The following FRA10AC1 variants were observed in gnomAD, a reference collection of about 807,000 sequenced individuals.
The protein encoded by FRA10AC1 is FRA10A associated CGG repeat 1, also known as protein FRA10AC1.
In FRA10AC1, 43 loss-of-function variants were observed where a neutral mutation model predicts 56.5. The observed-to-expected ratio is 0.76, with a 90% CI of 0.60 to 0.98. The LOEUF is 0.98. Among genes scored for constraint, FRA10AC1 ranks in the 50% least tolerant of loss-of-function variants. FRA10AC1 has a pLI of 0.00. For missense variants in FRA10AC1, 346 were observed against 351.8 expected, an observed-to-expected ratio of 0.98 and a Z score of 0.13; for synonymous variants, 112 against 110.5, an observed-to-expected ratio of 1.01 and a Z score of -0.09.
intron 9 of FRA10AC1, 28 bp from the exon 10 acceptor site, chr10:93,684,126 C>A: frequency 6.4e-7 from 1 of 1,568,246 alleles, no homozygotes; most frequent in Non-Finnish European, 8.8e-7. Context: ...CACTGAATGG[C>A]TGATTTTGAA....
At chr10:93,697,151 A>C (rs1350775637) in intron 4 of FRA10AC1, among the ~76,000 whole-genome samples, 1 of 152,078 alleles carries the variant, frequency 6.6e-6, no homozygotes, top group African/African-American at 2.4e-5. Flanking sequence ...TGTGGCTCCA[A>C]CTCCTCCTAT....
At chr10:93,686,159 T>C (rs982803974) in intron 8 of FRA10AC1, among the ~76,000 whole-genome samples, 4 of 151,890 alleles carry the variant, frequency 2.6e-5, no homozygotes, top group African/African-American at 9.7e-5. Context: ...GCAAATCTTT[T>C]TCATAAAAAT....
chr10:93,701,857 C>A lies in FRA10AC1; in HGVS notation c.-1+518G>T, dbSNP rs182100170. Among the ~76,000 whole-genome samples the A allele has an allele frequency of 9.9e-4, 151 of 151,932 alleles. 1 individual carries two copies. Among genetic ancestry groups the A allele is most frequent in the Middle Eastern group, 3.4e-3 (1 of 294 alleles). On this transcript the variant is annotated intron_variant, in intron 1 of 13. Coordinates refer to ENST00000359204, the MANE Select transcript of FRA10AC1 (RefSeq NM_145246.5). ...TACTAGATTTCACTGCTTGGCTCTGCACTTTCCATTTGTCTTTCTTTGGGC... is the reference window on the plus strand; with the variant it reads ...TACTAGATTTCACTGCTTGGCTCTGAACTTTCCATTTGTCTTTCTTTGGGC...
chr10:93,684,050 C>G lies in FRA10AC1; in HGVS notation c.668+6G>C. The G allele has an allele frequency of 6.3e-7, 1 of 1,581,024 alleles. No individual in the cohort carries two copies. ...ACATTAAGAATGGCATTTTAAAAGA[C>G]ATTACCTGTGATGGAAATTTAATTT... is the stretch of plus-strand genomic sequence containing the variant. On this transcript the variant is annotated splice_donor_region_variant and intron_variant, in intron 10 of 13. Coordinates refer to ENST00000359204, the MANE Select transcript of FRA10AC1 (RefSeq NM_145246.5).
chr10:93,680,172 T>C (rs1292664761), intron 11 of FRA10AC1, among the ~76,000 whole-genome samples: 1 of 152,186 alleles, frequency 6.6e-6, no homozygotes, highest in Non-Finnish European at 1.5e-5. Context: ...GTGATTAACA[T>C]GGTATCACAG....
At chr10:93,686,045 A>T (rs1411477017) in intron 8 of FRA10AC1, among the ~76,000 whole-genome samples, 1 of 151,910 alleles carries the variant, frequency 6.6e-6, no homozygotes, top group Non-Finnish European at 1.5e-5. Context: ...AGAGAAAAAA[A>T]GAGAAACAAC....
chr10:93,692,694 T>C lies in FRA10AC1; in HGVS notation c.332A>G (p.Glu111Gly). 1 of 1,596,158 alleles carries C rather than the reference T, an allele frequency of 6.3e-7. No homozygotes were observed. The highest frequency in any genetic ancestry group is 8.5e-7 in the Non-Finnish European group (1 of 1,173,012). The change falls in exon 6 of 14, where the codon GAA (glutamate) becomes GGA (glycine). Residue 111 changes from glutamate (E) to glycine (G), a missense_variant. Physicochemically the swap from Glu to Gly is moderately conservative, Grantham distance 98. Transcript: ENST00000359204. Reference sequence around the variant, plus strand: ...CTCATTCCATAGGAATCTATGATTTTCTCGTATAACATCCAAGTCTGTCTT... The same window carrying C: ...CTCATTCCATAGGAATCTATGATTTCCTCGTATAACATCCAAGTCTGTCTT... The part of the protein sequence containing the change: ...NDKTDLDVIR[E>G]NHRFLWNEED...
chr10:93,696,940 A>T (rs1048016198), intron 4 of FRA10AC1, among the ~76,000 whole-genome samples: 1 of 152,144 alleles, frequency 6.6e-6, no homozygotes. Context: ...AACATCACAC[A>T]CTGGAGCCGG....
chr10:93,675,623 T>C (rs1010569379), intron 12 of FRA10AC1: 6 of 331,268 alleles, frequency 1.8e-5, no homozygotes, highest in Admixed American at 2.9e-5. Context: ...GAGAATCACT[T>C]GAACCTGGGA....
intron 12 of FRA10AC1, chr10:93,674,146 TA>T (rs1485918441): frequency 1.3e-5 from 2 of 152,198 alleles, no homozygotes; most frequent in Admixed American, 6.5e-5. Flanking sequence ...TAAATATATA[TA>T]TTTTTAAAAA....
At chr10:93,685,748 GCA>G (rs1427560487) in intron 8 of FRA10AC1, among the ~76,000 whole-genome samples, 1 of 149,498 alleles carries the variant, frequency 6.7e-6, no homozygotes, top group African/African-American at 2.4e-5. Context: ...AAAAAAAAAC[GCA>G]CTTTCCAAAG....
chr10:93,691,261 A>T (rs1053011803), intron 7 of FRA10AC1, among the ~76,000 whole-genome samples: 2 of 152,104 alleles, frequency 1.3e-5, no homozygotes, highest in East Asian at 1.9e-4. Flanking sequence ...CTGCAGCCTC[A>T]AACTCCTGGA....
At chr10:93,673,177 A>C (rs1001703551) in intron 12 of FRA10AC1, 3 of 372,012 alleles carry the variant, frequency 8.1e-6, no homozygotes, top group Non-Finnish European at 1.6e-5. Context: ...GTTCTAAGGG[A>C]CAAGTTTTTC....
chr10:93,678,685 T>G (rs2058882788), intron 11 of FRA10AC1, among the ~76,000 whole-genome samples: 1 of 151,790 alleles, frequency 6.6e-6, no homozygotes, highest in African/African-American at 2.4e-5. Flanking sequence ...AACAACAAAA[T>G]TAGCTGAGTA....
chr10:93,673,247 TAA>T (rs928420365), intron 12 of FRA10AC1: 4 of 437,568 alleles, frequency 9.1e-6, no homozygotes, highest in African/African-American at 8.2e-5. Flanking sequence ...TCATAAAAAA[TAA>T]GTCTCCTACA....
At chr10:93,701,385 G>A (rs1266358893) in intron 1 of FRA10AC1, among the ~76,000 whole-genome samples, 1 of 152,070 alleles carries the variant, frequency 6.6e-6, no homozygotes, top group Non-Finnish European at 1.5e-5. Flanking sequence ...TTGGATCTAG[G>A]GTAAACGACA....
chr10:93,675,112 C>T (rs2058820963), intron 12 of FRA10AC1: 1 of 152,062 alleles, frequency 6.6e-6, no homozygotes, highest in African/African-American at 2.4e-5. Context: ...AAACAAAGTT[C>T]GTACAAGCAA....
At chr10:93,686,290 T>C (rs1211888003) in intron 8 of FRA10AC1, among the ~76,000 whole-genome samples, 1 of 151,918 alleles carries the variant, frequency 6.6e-6, no homozygotes, top group Admixed American at 6.6e-5. Flanking sequence ...TAGGTAAGGC[T>C]TTGTTGTTAA....
At chr10:93,686,051 AC>A (rs1402805525) in intron 8 of FRA10AC1, among the ~76,000 whole-genome samples, 2 of 151,880 alleles carry the variant, frequency 1.3e-5, no homozygotes, top group African/African-American at 2.4e-5. Context: ...AAAAAGAGAA[AC>A]AACTCAACAG....
Sources: allele counts gnomAD v4.1 joint callset (sites outside exome capture counted in the v4.1 genomes callset), GRCh38; gene constraint gnomAD v4.1.1; transcripts MANE v1.5; gene names NCBI Gene and HGNC (gene_info 2026-07-23, HGNC 2026-07-21).